DOCK9: variants seen among roughly 807,000 people sequenced by gnomAD.
The protein encoded by DOCK9 is dedicator of cytokinesis protein 9.
In DOCK9, 89 loss-of-function variants were observed where a neutral mutation model predicts 263.3. The observed-to-expected ratio is 0.34, with a 90% CI of 0.28 to 0.40. DOCK9 has a LOEUF of 0.40. Ranked by LOEUF, DOCK9 falls within the 10% of genes least tolerant of loss-of-function variation. The probability of loss-of-function intolerance (pLI) is 1.00; values close to 1 mark genes in which losing one functional copy is unlikely to be tolerated. For synonymous variants in DOCK9, 976 were observed against 973.1 expected, an observed-to-expected ratio of 1.00 and a Z score of -0.06; for missense variants, 2,140 against 2,603.4, an observed-to-expected ratio of 0.82 and a Z score of 3.87.
At chr13:98,891,983 A>T (rs2046693827) in intron 15 of DOCK9, among the ~76,000 whole-genome samples, 1 of 152,172 alleles carries the variant, frequency 6.6e-6, no homozygotes, top group Non-Finnish European at 1.5e-5. Context: ...TGCGTGTTAC[A>T]CAAACTGAAT....
chr13:98,931,488 C>T (rs538937985), intron 2 of DOCK9, among the ~76,000 whole-genome samples: 90 of 151,842 alleles, frequency 5.9e-4, no homozygotes, highest in Non-Finnish European at 1.1e-3. Flanking sequence ...TTAGTAGAGA[C>T]GGGGTTTCAC....
intron 45 of DOCK9, among the ~76,000 whole-genome samples, chr13:98,816,226 A>T (rs1424169857): frequency 1.3e-5 from 2 of 152,184 alleles, no homozygotes; most frequent in Non-Finnish European, 2.9e-5. Context: ...CTATTAGGCT[A>T]TGTGTCATGA....
intron 1 of DOCK9, among the ~76,000 whole-genome samples, chr13:99,057,021 G>A (rs567313448): frequency 2.1e-4 from 32 of 152,160 alleles, no homozygotes; most frequent in Non-Finnish European, 4.0e-4. Flanking sequence ...CTCAGACAGC[G>A]AATTCCTACC....
At chr13:98,917,666 C>T (rs1362389739) in intron 7 of DOCK9, among the ~76,000 whole-genome samples, 7 of 132,772 alleles carry the variant, frequency 5.3e-5, no homozygotes, top group East Asian at 4.3e-4. Flanking sequence ...TTCGGCAGGG[C>T]GGGGGTACTG....
intron 52 of DOCK9, chr13:98,796,339 C>T (rs1483138700): frequency 2.6e-6 from 2 of 762,460 alleles, no homozygotes. Context: ...ACAAACGGCC[C>T]TGGCTTCCAC....
Position 98,976,565 on chromosome 13 carries a change from T to C in DOCK9, c.126+1219A>G, listed in dbSNP as rs1187105176. On this transcript the variant is annotated intron_variant, in intron 1 of 52. Coordinates refer to ENST00000682017, the MANE Select transcript of DOCK9 (RefSeq NM_001366683.2). ...AAGTTACATCAGCTGCTTTAAGCAG[T>C]GAAATCCATACAGCCTGTGAGCAAC... Among the ~76,000 whole-genome samples, 7 of 152,204 alleles carry C rather than the reference T, an allele frequency of 4.6e-5. No individual in the cohort carries two copies. The East Asian group carries it at 1.3e-3, about 29-fold the overall frequency.
chr13:99,086,461 G>A, exon 1 of DOCK9: 5 of 658,196 alleles, frequency 7.6e-6, no homozygotes, highest in South Asian at 6.4e-5. Context: ...CGCTCCCGGC[G>A]CCGCCGCCGC....
chr13:98,863,563 G>A lies in DOCK9; in HGVS notation c.3287-15C>T, dbSNP rs771946683. ...AAGCTGGAGGTCTGAAATGAGGATA[G>A]AAACTACTTGAGTTAGGAAAGATGC... is the stretch of plus-strand genomic sequence containing the variant. On this transcript the variant is annotated splice_polypyrimidine_tract_variant and intron_variant, in intron 30 of 52. Transcript: ENST00000682017. 7 of 1,588,692 alleles carry A rather than the reference G, an allele frequency of 4.4e-6. No homozygotes were observed. In the South Asian group the frequency reaches 7.9e-5, roughly 18 times the overall value.
rs150653547 is a variant in DOCK9, at chr13:98,902,878, G to T, written c.1176+94C>A. 5.4e-3 allele frequency: 6,424 copies of T among 1,185,840 alleles called. 35 individuals carry two copies. Among genetic ancestry groups the T allele is most frequent in the Non-Finnish European group, 5.6e-3 (4,893 of 879,238 alleles). The allele number at this position is 1,185,840 out of a possible 1,614,324, so 73.5% of individuals were successfully genotyped here. On this transcript the variant is annotated intron_variant, in intron 11 of 52. Transcript: ENST00000682017. ...AACACTGCACCTCTTTGATACCAGG[G>T]ACTAGGATTTCTTATCCAGGCTGCA...
intron 1 of DOCK9, among the ~76,000 whole-genome samples, chr13:98,968,417 T>C (rs2059408116): frequency 6.6e-6 from 1 of 152,112 alleles, no homozygotes; most frequent in Admixed American, 6.6e-5. Flanking sequence ...GGCCAAGAGT[T>C]CGAGACCAGA....
intron 1 of DOCK9, among the ~76,000 whole-genome samples, chr13:98,995,369 G>GT (rs575550863): frequency 7.6e-4 from 115 of 151,974 alleles, no homozygotes; most frequent in African/African-American, 2.7e-3. Flanking sequence ...AAATCAACCA[G>GT]TAAACAACTA....
At chr13:99,088,374 T>A (rs1434027896), upstream of DOCK9, 1 of 152,232 alleles carries the variant, frequency 6.6e-6, no homozygotes, top group Non-Finnish European at 1.5e-5. Flanking sequence ...CTCTGTTCGG[T>A]GAGAGCAACT....
rs1350765884 is a variant in DOCK9, at chr13:98,950,475, T to G, written c.243+4960A>C. 3.1e-4 allele frequency: 165 copies of G among 525,870 alleles called. 3 individuals are homozygous for G. The highest frequency in any genetic ancestry group is 2.5e-4 in the Non-Finnish European group (76 of 302,098). The allele number at this position is 525,870 out of a possible 1,614,324, so 32.6% of individuals were successfully genotyped here. A position where few individuals can be genotyped will look rare whatever the true frequency, so the allele number is the denominator to read the frequency against. On this transcript the variant is annotated intron_variant, in intron 2 of 52. Transcript: ENST00000682017. The stretch of plus-strand genomic sequence containing the variant: ...TTCTAGTATCTAATATTTTTTAAAT[T>G]TATTTTTTGTAGAGACGAGGTCTTG...
rs370407705 is a variant in DOCK9, at chr13:98,881,359, G to C, written c.2745+199C>G. Among the ~76,000 whole-genome samples, 27 of 152,164 alleles carry C rather than the reference G, an allele frequency of 1.8e-4. No homozygotes were observed. The East Asian group carries it at 2.9e-3, about 16-fold the overall frequency. On this transcript the variant is annotated intron_variant, in intron 25 of 52. Transcript: ENST00000682017. ...TTAAAAGAAACATAATTGAAGGAAT[G>C]GAATTAAGTAAATTAGTGAATGGCT...
upstream of DOCK9, chr13:98,978,224 G>A: frequency 1.4e-6 from 1 of 724,486 alleles, no homozygotes; most frequent in Non-Finnish European, 1.9e-6. Flanking sequence ...TATTGTGTCT[G>A]TTCCACACAG....
At chr13:98,938,037 C>G (rs2055185897) in intron 2 of DOCK9, among the ~76,000 whole-genome samples, 1 of 152,170 alleles carries the variant, frequency 6.6e-6, no homozygotes, top group African/African-American at 2.4e-5. Context: ...CTGCTTCTAT[C>G]ATCACTCACT....
At chr13:98,811,268 T>C (rs999000962) in intron 45 of DOCK9, among the ~76,000 whole-genome samples, 7 of 152,206 alleles carry the variant, frequency 4.6e-5, no homozygotes, top group Non-Finnish European at 7.4e-5. Flanking sequence ...TTGTTATATA[T>C]GGCTTTGGTA....
chr13:98,893,712 A>G (rs1249886092), intron 15 of DOCK9, among the ~76,000 whole-genome samples: 1 of 152,228 alleles, frequency 6.6e-6, no homozygotes, highest in Non-Finnish European at 1.5e-5. Context: ...GGCCACTGAC[A>G]TGAGATTATT....
chr13:98,862,949 C>A, intron 32 of DOCK9, 70 bp downstream of exon 32: 1 of 1,364,294 alleles, frequency 7.3e-7, no homozygotes, highest in Non-Finnish European at 1.0e-6. Context: ...AGCCACCCAG[C>A]TTATGGCGCT....
Sources: gnomAD v4.1 joint callset for allele counts (sites outside exome capture counted in the v4.1 genomes callset) on GRCh38, gnomAD v4.1.1 for gene constraint, MANE v1.5 for transcripts, NCBI Gene and HGNC (gene_info 2026-07-23, HGNC 2026-07-21) for gene names.